TECRL: variants seen among roughly 807,000 people sequenced by gnomAD.
The protein encoded by TECRL is trans-2,3-enoyl-CoA reductase like, also known as trans-2,3-enoyl-CoA reductase-like.
In TECRL, 63 loss-of-function variants were observed where a neutral mutation model predicts 52.8. The ratio of observed to expected loss-of-function variants is 1.19; its 90% CI spans 0.97 to 1.47. The LOEUF (loss-of-function observed/expected upper bound fraction) is 1.47, where lower values mean the gene tolerates loss of function less well. Among genes scored for constraint, TECRL ranks in the 40% most tolerant of loss-of-function variants. The pLI, the probability that TECRL is intolerant of heterozygous loss-of-function variation, is 0.00. For synonymous variants in TECRL, 164 were observed against 141.9 expected (o/e 1.16, Z -1.10); for missense variants, 482 against 429.6 (o/e 1.12, Z -1.08).
chr4:64,290,293 T>C (rs1374398406), intron 8 of TECRL, among the ~76,000 whole-genome samples: 1 of 83,798 alleles, frequency 1.2e-5, no homozygotes, highest in Non-Finnish European at 2.5e-5. Context: ...ACTCTACTAG[T>C]TGTCCCTGTT....
intron 1 of TECRL, among the ~76,000 whole-genome samples, chr4:64,376,717 C>T (rs997334321): frequency 2.4e-4 from 36 of 151,912 alleles, no homozygotes; most frequent in African/African-American, 8.5e-4. Flanking sequence ...AAATAATTTT[C>T]ATAATCAATA....
At chr4:64,401,877 T>C (rs1002441012) in intron 1 of TECRL, among the ~76,000 whole-genome samples, 11 of 152,290 alleles carry the variant, frequency 7.2e-5, no homozygotes, top group Non-Finnish European at 1.3e-4. Flanking sequence ...TTGCACAATA[T>C]GCTCCCCTTA....
intron 2 of TECRL, among the ~76,000 whole-genome samples, chr4:64,346,530 G>C (rs545200957): frequency 1.8e-4 from 27 of 152,266 alleles, no homozygotes; most frequent in Non-Finnish European, 3.2e-4. Context: ...AAGCCTAGGG[G>C]CTTGCGCCCT....
intron 2 of TECRL, among the ~76,000 whole-genome samples, chr4:64,354,022 T>C (rs1720584715): frequency 6.6e-6 from 1 of 152,066 alleles, no homozygotes. Context: ...GTATGCCACG[T>C]CAAATGCAGT....
At chr4:64,333,446 A>C (rs1271147272) in intron 2 of TECRL, among the ~76,000 whole-genome samples, 1 of 152,196 alleles carries the variant, frequency 6.6e-6, no homozygotes. Context: ...GAGATGATGA[A>C]ATAAATAAAA....
intron 2 of TECRL, among the ~76,000 whole-genome samples, chr4:64,360,069 G>A (rs763944142): frequency 2.0e-5 from 3 of 152,090 alleles, no homozygotes; most frequent in Admixed American, 6.6e-5. Flanking sequence ...AACAGAAAAC[G>A]AGAAATCGTA....
chr4:64,363,764 A>G (rs1721391589), intron 2 of TECRL, among the ~76,000 whole-genome samples: 2 of 152,142 alleles, frequency 1.3e-5, no homozygotes, highest in South Asian at 4.1e-4. Flanking sequence ...AATATAACGT[A>G]CATTGATTTC....
intron 2 of TECRL, among the ~76,000 whole-genome samples, chr4:64,370,640 T>A (rs1442354241): frequency 6.6e-6 from 1 of 151,862 alleles, no homozygotes; most frequent in Non-Finnish European, 1.5e-5. Context: ...AGGGTGTTAT[T>A]TCTGATGGTT....
At position 64,392,393 on chromosome 4, in the gene TECRL, T is replaced by C. The variant is rs1405090585; in HGVS notation, c.234+16725A>G. 2.6e-5 allele frequency among the ~76,000 whole-genome samples: 4 copies of C among 151,894 alleles called. 1 individual carries two copies. The highest frequency in any genetic ancestry group is 1.3e-4 in the Admixed American group (2 of 15,218). Reference sequence around the variant, plus strand: ...TCCAATCTCCTTTACATTTTCGAGATACACACAGCATATCCTCAAGAAATG... The same window carrying C: ...TCCAATCTCCTTTACATTTTCGAGACACACACAGCATATCCTCAAGAAATG... On this transcript the variant is annotated intron_variant, in intron 1 of 11. Transcript: ENST00000381210.
chr4:64,379,320 A>C (rs147031691), intron 1 of TECRL, among the ~76,000 whole-genome samples: 1,866 of 151,396 alleles, frequency 0.012, 46 homozygotes, highest in African/African-American at 0.042. Flanking sequence ...GTGCCAACCC[A>C]CCATGTAGTC....
At chr4:64,321,320 A>T (rs981017260) in intron 4 of TECRL, among the ~76,000 whole-genome samples, 3 of 152,088 alleles carry the variant, frequency 2.0e-5, no homozygotes, top group African/African-American at 7.2e-5. Flanking sequence ...TGTAAAACTT[A>T]CAAAAATTGG....
intron 5 of TECRL, 64 bp downstream of exon 5, chr4:64,314,584 G>C: frequency 8.7e-7 from 1 of 1,145,096 alleles, no homozygotes; most frequent in Non-Finnish European, 1.3e-6. Flanking sequence ...CCTCCTTAAC[G>C]TGTATGGTGT....
chr4:64,375,081 A>T, intron 2 of TECRL, 91 bp downstream of exon 2: 1 of 513,638 alleles, frequency 1.9e-6, no homozygotes, highest in Non-Finnish European at 3.2e-6. Context: ...GTTTTCATAC[A>T]CTCTAACATA....
intron 1 of TECRL, among the ~76,000 whole-genome samples, chr4:64,395,502 A>G (rs1323002840): frequency 6.6e-6 from 1 of 152,168 alleles, no homozygotes; most frequent in Admixed American, 6.6e-5. Context: ...CAAGTTAGCT[A>G]ATGATTTGAC....
At chr4:64,317,990 C>A (rs1372678562) in intron 4 of TECRL, among the ~76,000 whole-genome samples, 4 of 152,150 alleles carry the variant, frequency 2.6e-5, no homozygotes, top group African/African-American at 9.7e-5. Context: ...ACTGTCTCCA[C>A]AGATTCTAAA....
intron 2 of TECRL, among the ~76,000 whole-genome samples, chr4:64,360,403 T>TGC (rs1721091279): frequency 6.6e-6 from 1 of 152,206 alleles, no homozygotes; most frequent in Non-Finnish European, 1.5e-5. Flanking sequence ...TTGAACTATT[T>TGC]TGAAGTATGT....
chr4:64,372,861 C>A (rs1722074908), intron 2 of TECRL, among the ~76,000 whole-genome samples: 1 of 151,086 alleles, frequency 6.6e-6, no homozygotes. Flanking sequence ...TTTTTAAAAC[C>A]TGACAAATGT....
chr4:64,390,529 C>T (rs964093468), intron 1 of TECRL, among the ~76,000 whole-genome samples: 4 of 151,808 alleles, frequency 2.6e-5, no homozygotes, highest in Non-Finnish European at 5.9e-5. Context: ...TAATCTGCTC[C>T]ATAATGAATA....
intron 2 of TECRL, among the ~76,000 whole-genome samples, chr4:64,370,155 GGTA>G (rs1721882579): frequency 1.3e-5 from 2 of 151,746 alleles, no homozygotes; most frequent in South Asian, 4.1e-4. Context: ...ATGTTTTAAA[GGTA>G]GTTCAAATGG....
Sources: gnomAD v4.1 joint callset for allele counts (sites outside exome capture counted in the v4.1 genomes callset) on GRCh38, gnomAD v4.1.1 for gene constraint, MANE v1.5 for transcripts, NCBI Gene and HGNC (gene_info 2026-07-23, HGNC 2026-07-21) for gene names.